Variants in MATCAP2 observed in about 807,000 individuals in gnomAD.
MATCAP2 encodes microtubule associated tyrosine carboxypeptidase 2, also known as putative tyrosine carboxypeptidase MATCAP2.
chr7:36,388,259 T>A, the MATCAP2 span, among the ~76,000 whole-genome samples: 1 of 151,724 alleles, frequency 6.6e-6, no homozygotes, highest in Non-Finnish European at 1.5e-5. Flanking sequence ...GGGTCAGTTT[T>A]AACATATTTC....
At chr7:36,357,686 CTTCGTAAT>C in the MATCAP2 span, 1 of 941,004 alleles carries the variant, frequency 1.1e-6, no homozygotes, top group Non-Finnish European at 1.6e-6. Context: ...ATTCTATAAA[CTTCGTAAT>C]TTTGCAGTAA....
At chr7:36,358,899 G>A in the MATCAP2 span, among the ~76,000 whole-genome samples, 1 of 152,182 alleles carries the variant, frequency 6.6e-6, no homozygotes, top group Non-Finnish European at 1.5e-5. Flanking sequence ...GCAATATGAA[G>A]AGAAACAGAT....
the MATCAP2 span, among the ~76,000 whole-genome samples, chr7:36,385,326 C>A: frequency 6.6e-6 from 1 of 152,162 alleles, no homozygotes; most frequent in African/African-American, 2.4e-5. Context: ...TCTTGAGAAT[C>A]TGACCCTAAA....
At chr7:36,334,409 C>T in the MATCAP2 span, among the ~76,000 whole-genome samples, 1 of 151,612 alleles carries the variant, frequency 6.6e-6, no homozygotes, top group African/African-American at 2.4e-5. Flanking sequence ...GTGGTGTGCA[C>T]CTGGGGTCCC....
At chr7:36,381,677 A>G in the MATCAP2 span, among the ~76,000 whole-genome samples, 1 of 151,918 alleles carries the variant, frequency 6.6e-6, no homozygotes, top group Non-Finnish European at 1.5e-5. Flanking sequence ...TCTCAAAAAA[A>G]AAAAAAAAAA....
At chr7:36,348,103 C>T in the MATCAP2 span, among the ~76,000 whole-genome samples, 30 of 152,138 alleles carry the variant, frequency 2.0e-4, no homozygotes, top group African/African-American at 4.8e-4. Flanking sequence ...TTAGGTGGTG[C>T]GCCTCAGAAC....
At chr7:36,329,189 G>C in the MATCAP2 span, among the ~76,000 whole-genome samples, 7 of 151,954 alleles carry the variant, frequency 4.6e-5, no homozygotes, top group Non-Finnish European at 7.4e-5. Flanking sequence ...GTTGATATTG[G>C]TATGGTTTAA....
the MATCAP2 span, among the ~76,000 whole-genome samples, chr7:36,381,243 T>C: frequency 2.0e-5 from 3 of 151,930 alleles, no homozygotes; most frequent in African/African-American, 4.8e-5. Context: ...GAGACCAGGT[T>C]TGGGGTTTGA....
chr7:36,370,940 TC>T, the MATCAP2 span, among the ~76,000 whole-genome samples: 1 of 152,228 alleles, frequency 6.6e-6, no homozygotes, highest in Non-Finnish European at 1.5e-5. Flanking sequence ...CTTTATGAAT[TC>T]TAGAAGCATT....
chr7:36,331,464 T>C, the MATCAP2 span, among the ~76,000 whole-genome samples: 1 of 152,194 alleles, frequency 6.6e-6, no homozygotes, highest in East Asian at 1.9e-4. Context: ...TGGGGAGGCC[T>C]GAGCAGGATA....
chr7:36,385,524 C>T, the MATCAP2 span, among the ~76,000 whole-genome samples: 2 of 152,138 alleles, frequency 1.3e-5, no homozygotes, highest in African/African-American at 4.8e-5. Flanking sequence ...GTGGCTTACA[C>T]CTGTAATTCC....
At chr7:36,343,067 T>C in the MATCAP2 span, among the ~76,000 whole-genome samples, 2 of 152,220 alleles carry the variant, frequency 1.3e-5, no homozygotes, top group Middle Eastern at 6.8e-3. Context: ...GACACTGCCA[T>C]CTTTGTAGGT....
chr7:36,390,127 C>T, the MATCAP2 span: 9 of 1,601,748 alleles, frequency 5.6e-6, no homozygotes, highest in East Asian at 6.7e-5. Flanking sequence ...TCTGGGCGAA[C>T]CCCCACCGGG....
chr7:36,383,125 C>A, the MATCAP2 span, among the ~76,000 whole-genome samples: 105 of 152,204 alleles, frequency 6.9e-4, no homozygotes, highest in African/African-American at 2.3e-3. Flanking sequence ...GAAAAAAAAT[C>A]TATGTGACAC....
At chr7:36,390,083 G>A in the MATCAP2 span, 7 of 1,612,572 alleles carry the variant, frequency 4.3e-6, no homozygotes, top group African/African-American at 6.7e-5. Context: ...ATGACCCACC[G>A]CTCTAGGCCC....
chr7:36,374,988 T>C, the MATCAP2 span, among the ~76,000 whole-genome samples: 1 of 152,174 alleles, frequency 6.6e-6, no homozygotes, highest in African/African-American at 2.4e-5. Flanking sequence ...TGAATAGTGC[T>C]GCAATAAACA....
chr7:36,385,446 T>C, the MATCAP2 span, among the ~76,000 whole-genome samples: 1 of 152,146 alleles, frequency 6.6e-6, no homozygotes, highest in Non-Finnish European at 1.5e-5. Flanking sequence ...GAGGAATAGA[T>C]AGACCAGTAG....
the MATCAP2 span, among the ~76,000 whole-genome samples, chr7:36,341,643 C>T: frequency 6.6e-6 from 1 of 152,180 alleles, no homozygotes; most frequent in Non-Finnish European, 1.5e-5. Flanking sequence ...TGGCTCATGC[C>T]TGTAATCCCA....
At chr7:36,385,812 TAA>T in the MATCAP2 span, among the ~76,000 whole-genome samples, 2 of 145,536 alleles carry the variant, frequency 1.4e-5, no homozygotes, top group East Asian at 3.9e-4. Context: ...TAAAATAAAA[TAA>T]AATAAAATAA....
Sources: allele counts gnomAD v4.1 joint callset (sites outside exome capture counted in the v4.1 genomes callset), GRCh38; gene constraint gnomAD v4.1.1; transcripts MANE v1.5; gene names NCBI Gene and HGNC (gene_info 2026-07-23, HGNC 2026-07-21).